NTM: variants seen among roughly 807,000 people sequenced by gnomAD.
NTM encodes neurotrimin.
NTM carries 13 observed loss-of-function variants against 42.1 expected under a neutral mutation model. The ratio of observed to expected loss-of-function variants is 0.31; its 90% confidence interval spans 0.20 to 0.49. NTM has a LOEUF of 0.49. Ranked by LOEUF, NTM falls within the 20% of genes least tolerant of loss-of-function variation. NTM has a pLI of 0.99. For synonymous variants in NTM, 187 were observed against 179.2 expected (o/e 1.04, Z -0.35); for missense variants, 373 against 452.8 (o/e 0.82, Z 1.60).
At chr11:131,646,158 T>A (rs2065748189) in intron 1 of NTM, among the ~76,000 whole-genome samples, 1 of 152,198 alleles carries the variant, frequency 6.6e-6, no homozygotes, top group African/African-American at 2.4e-5. Context: ...ATGGGCCCGA[T>A]CTAACCCATT....
intron 1 of NTM, among the ~76,000 whole-genome samples, chr11:131,763,405 A>G (rs902366325): frequency 4.3e-4 from 66 of 152,320 alleles, no homozygotes; most frequent in African/African-American, 1.5e-3. Flanking sequence ...CATTGAATCA[A>G]TGCAGGTCGT....
At chr11:132,160,951 G>A (rs1341982545) in intron 3 of NTM, among the ~76,000 whole-genome samples, 1 of 152,208 alleles carries the variant, frequency 6.6e-6, no homozygotes, top group Non-Finnish European at 1.5e-5. Context: ...AAGCCCTGCC[G>A]GTGACTTCGG....
At chr11:131,484,012 A>T (rs998236310) in intron 1 of NTM, among the ~76,000 whole-genome samples, 2 of 152,206 alleles carry the variant, frequency 1.3e-5, no homozygotes, top group Non-Finnish European at 2.9e-5. Flanking sequence ...CTCAATAGCC[A>T]TGGCGCCCTA....
chr11:131,448,529 G>T (rs1321446530), intron 1 of NTM, among the ~76,000 whole-genome samples: 1 of 152,228 alleles, frequency 6.6e-6, no homozygotes, highest in Non-Finnish European at 1.5e-5. Flanking sequence ...AAGACCTTAT[G>T]GGTGCTCATG....
At chr11:131,538,172 C>T (rs184228032) in intron 1 of NTM, 1 of 152,162 alleles carries the variant, frequency 6.6e-6, no homozygotes, top group South Asian at 2.1e-4. Context: ...AAAACATGAA[C>T]ATGTGAGGTT....
intron 2 of NTM, among the ~76,000 whole-genome samples, chr11:132,058,233 C>A (rs2080028856): frequency 6.6e-6 from 1 of 152,122 alleles, no homozygotes; most frequent in African/African-American, 2.4e-5. Context: ...CCTGTCCTTG[C>A]ATTCTGATGG....
chr11:131,440,318 G>A (rs974819335), intron 1 of NTM, among the ~76,000 whole-genome samples: 2 of 152,156 alleles, frequency 1.3e-5, no homozygotes, highest in African/African-American at 2.4e-5. Context: ...ACATAAGTTT[G>A]TTGACTCAAG....
chr11:131,681,345 CTGTG>C (rs1371803555), intron 1 of NTM, among the ~76,000 whole-genome samples: 201 of 9,432 alleles, frequency 0.021, 17 homozygotes, highest in African/African-American at 0.057. Flanking sequence ...GTTTCTGTGT[CTGTG>C]TGTATGTCTC....
At chr11:131,606,562 G>A (rs1289585495) in intron 1 of NTM, among the ~76,000 whole-genome samples, 1 of 151,692 alleles carries the variant, frequency 6.6e-6, no homozygotes, top group Non-Finnish European at 1.5e-5. Context: ...GAAAATAGTA[G>A]AAAAACTTTT....
chr11:132,019,509 C>G (rs2073996140), intron 2 of NTM, among the ~76,000 whole-genome samples: 1 of 151,846 alleles, frequency 6.6e-6, no homozygotes. Context: ...GTATGCATAC[C>G]TATATAAGTA....
intron 1 of NTM, among the ~76,000 whole-genome samples, chr11:131,631,475 T>C (rs2063650751): frequency 1.3e-5 from 2 of 151,950 alleles, no homozygotes; most frequent in African/African-American, 2.4e-5. Flanking sequence ...CTTATGTTAA[T>C]AAAAAAAATG....
intron 2 of NTM, among the ~76,000 whole-genome samples, chr11:132,128,880 G>A (rs1242569107): frequency 6.9e-6 from 1 of 144,962 alleles, no homozygotes; most frequent in African/African-American, 2.6e-5. Context: ...AGAGTTTGCA[G>A]TGAGCTGAGA....
intron 1 of NTM, among the ~76,000 whole-genome samples, chr11:131,711,402 A>G (rs2077112704): frequency 6.6e-6 from 1 of 152,246 alleles, no homozygotes; most frequent in South Asian, 2.1e-4. Flanking sequence ...ACTGGCTATC[A>G]GAGAAATGCA....
At chr11:132,213,038 G>A (rs1408711458) in intron 4 of NTM, among the ~76,000 whole-genome samples, 5 of 152,108 alleles carry the variant, frequency 3.3e-5, no homozygotes, top group Non-Finnish European at 7.4e-5. Flanking sequence ...AGAATGACAA[G>A]AGCTTTCTTC....
chr11:131,778,137 T>A (rs2087391058), intron 1 of NTM, among the ~76,000 whole-genome samples: 1 of 152,238 alleles, frequency 6.6e-6, no homozygotes, highest in South Asian at 2.1e-4. Flanking sequence ...TGTTCAATAA[T>A]GTTAAGCACC....
chr11:132,282,447 C>T (rs187593464), intron 4 of NTM, among the ~76,000 whole-genome samples: 5 of 152,256 alleles, frequency 3.3e-5, no homozygotes, highest in Admixed American at 3.3e-4. Context: ...ATGTATAATG[C>T]TGATCATTAG....
chr11:131,605,305 T>C (rs76620872), intron 1 of NTM, among the ~76,000 whole-genome samples: 2,357 of 152,334 alleles, frequency 0.015, 59 homozygotes, highest in African/African-American at 0.054. Flanking sequence ...ACTTTACTCT[T>C]TTTGATGTTG....
intron 2 of NTM, among the ~76,000 whole-genome samples, chr11:132,140,190 T>A (rs960697560): frequency 1.3e-5 from 2 of 152,216 alleles, no homozygotes; most frequent in African/African-American, 4.8e-5. Flanking sequence ...GGGACATTCC[T>A]TGTAGCAGTC....
At chr11:131,838,158 A>G (rs1381821791) in intron 1 of NTM, among the ~76,000 whole-genome samples, 4 of 152,128 alleles carry the variant, frequency 2.6e-5, no homozygotes, top group African/African-American at 9.7e-5. Flanking sequence ...AACCGGAAGG[A>G]CGACTCGGTT....
Sources: allele counts gnomAD v4.1 joint callset (sites outside exome capture counted in the v4.1 genomes callset), GRCh38; gene constraint gnomAD v4.1.1; transcripts MANE v1.5; gene names NCBI Gene and HGNC (gene_info 2026-07-23, HGNC 2026-07-21).